AHCYL2: variants seen among roughly 807,000 people sequenced by gnomAD.
The protein encoded by AHCYL2 is S-adenosylhomocysteine hydrolase-like protein 2.
A neutral mutation model predicts 81.4 loss-of-function variants in AHCYL2; 28 were observed. The observed-to-expected ratio is 0.34, with a 90% CI of 0.25 to 0.47. AHCYL2 has a LOEUF of 0.47. Ranked by LOEUF, AHCYL2 falls within the 20% of genes least tolerant of loss-of-function variation. AHCYL2 has a pLI of 1.00. For missense variants in AHCYL2, 551 were observed against 785.1 expected (o/e 0.70, Z 3.56); for synonymous variants, 272 against 290.2 (o/e 0.94, Z 0.64).
intron 1 of AHCYL2, among the ~76,000 whole-genome samples, chr7:129,250,511 A>C (rs912405872): frequency 6.6e-6 from 1 of 152,184 alleles, no homozygotes; most frequent in Non-Finnish European, 1.5e-5. Context: ...TGTCCAATGT[A>C]TGTGCCTTTA....
In AHCYL2 at chr7:129,397,265, G is replaced by GGGCT; in HGVS notation, c.766_769dup (p.Ala257GlyfsTer11). The GGGCT allele has an allele frequency of 6.2e-7, 1 of 1,614,170 alleles. No homozygotes were observed. ...GGTGCTCTGGGGGCCCAGTGCCGATGGGCTGCCTGCAACATCTATTCCACT... is the reference window on the plus strand; with the variant it reads ...GGTGCTCTGGGGGCCCAGTGCCGATGGGCTGGCTGCCTGCAACATCTATTCCACT... On this transcript the variant is annotated frameshift_variant, in exon 5 of 17. Transcript: ENST00000325006. LOFTEE classifies it high-confidence loss of function.
chr7:129,253,418 TAGTTTACTAATGGCAAGACCAAATA>T (rs1290574907), intron 1 of AHCYL2, among the ~76,000 whole-genome samples: 1 of 152,198 alleles, frequency 6.6e-6, no homozygotes, highest in Non-Finnish European at 1.5e-5. Flanking sequence ...TAAGCAATTG[TAGTTTACTAATGGCAAGACCAAATA>T]AAGTGAAATT....
At chr7:129,371,785 A>G (rs146963292) in intron 1 of AHCYL2, among the ~76,000 whole-genome samples, 3 of 152,276 alleles carry the variant, frequency 2.0e-5, no homozygotes, top group African/African-American at 7.2e-5. Context: ...TGGTTGATTG[A>G]CTTTCATGAG....
chr7:129,356,329 C>G (rs1793734586), intron 1 of AHCYL2, among the ~76,000 whole-genome samples: 1 of 152,182 alleles, frequency 6.6e-6, no homozygotes, highest in Admixed American at 6.5e-5. Context: ...TACTGCCCTA[C>G]TTAGAAACTT....
intron 1 of AHCYL2, among the ~76,000 whole-genome samples, chr7:129,272,297 A>G (rs1379164428): frequency 1.3e-5 from 2 of 152,182 alleles, no homozygotes; most frequent in African/African-American, 2.4e-5. Context: ...TCCTCAATCA[A>G]TGGAGCCACC....
chr7:129,270,981 C>A (rs576015358), intron 1 of AHCYL2, among the ~76,000 whole-genome samples: 41 of 152,226 alleles, frequency 2.7e-4, no homozygotes, highest in African/African-American at 8.9e-4. Context: ...AGTCCTACGG[C>A]ATCAGGCTGA....
chr7:129,382,497 G>A (rs1450403005), intron 2 of AHCYL2, among the ~76,000 whole-genome samples: 1 of 152,190 alleles, frequency 6.6e-6, no homozygotes, highest in Non-Finnish European at 1.5e-5. Flanking sequence ...CTACTCCGGA[G>A]TCTGAGGCAT....
chr7:129,404,623 T>C (rs911024645), intron 7 of AHCYL2, among the ~76,000 whole-genome samples: 1 of 152,206 alleles, frequency 6.6e-6, no homozygotes, highest in Non-Finnish European at 1.5e-5. Flanking sequence ...TGCAGTAAGC[T>C]GAGATCACAC....
chr7:129,376,431 GC>G lies in AHCYL2; in HGVS notation c.364-3206del, dbSNP rs974564147. On this transcript the variant is annotated intron_variant, in intron 1 of 16. Coordinates refer to ENST00000325006, the MANE Select transcript of AHCYL2 (RefSeq NM_015328.4). ...CTTGAATTCGGTGTCTAACCAGTAAGCAAGGTTTTAGAACCCTATGTTCTAA... is the reference window on the plus strand; with the variant it reads ...CTTGAATTCGGTGTCTAACCAGTAAGAAGGTTTTAGAACCCTATGTTCTAA... Among the ~76,000 whole-genome samples, 13 of 152,306 alleles carry G rather than the reference GC, an allele frequency of 8.5e-5. No individual in the cohort carries two copies. The South Asian group carries it at 1.5e-3, about 17-fold the overall frequency.
chr7:129,353,956 TTAA>T (rs1793653649), intron 1 of AHCYL2, among the ~76,000 whole-genome samples: 2 of 151,926 alleles, frequency 1.3e-5, no homozygotes, highest in Admixed American at 1.3e-4. Flanking sequence ...GGAAGAAATA[TTAA>T]TAACTGTGTC....
chr7:129,235,423 C>T (rs1794609054), intron 1 of AHCYL2, among the ~76,000 whole-genome samples: 1 of 151,442 alleles, frequency 6.6e-6, no homozygotes, highest in South Asian at 2.1e-4. Context: ...TCTCATTCTT[C>T]TTCTTCTTCT....
intron 1 of AHCYL2, among the ~76,000 whole-genome samples, chr7:129,299,117 C>T (rs948952550): frequency 6.6e-6 from 1 of 151,534 alleles, no homozygotes; most frequent in South Asian, 2.1e-4. Context: ...AATTTTTTGA[C>T]ATTTTTGGGG....
Position 129,283,986 on chromosome 7 carries a change from A to G in AHCYL2, c.363+58547A>G, listed in dbSNP as rs184532365. On this transcript the variant is annotated intron_variant, in intron 1 of 16. Transcript: ENST00000325006. Reference sequence around the variant, plus strand: ...TTTAATATCTTTAAACCTTTCTACAATGGAGTCATTTTTTTAAAAGAAAGC... The same window carrying G: ...TTTAATATCTTTAAACCTTTCTACAGTGGAGTCATTTTTTTAAAAGAAAGC... 1.6e-4 allele frequency among the ~76,000 whole-genome samples: 24 copies of G among 152,290 alleles called. No homozygotes were observed. The East Asian group carries it at 4.2e-3, about 27-fold the overall frequency.
At position 129,247,907 on chromosome 7, in the gene AHCYL2, T is replaced by C. The variant is rs543231581; in HGVS notation, c.363+22468T>C. Reference sequence around the variant, plus strand: ...ATGAGCCACTGCACTTAGCCTTAGATTCTACTTTTGGTGGTATAACAAAGA... The same window carrying C: ...ATGAGCCACTGCACTTAGCCTTAGACTCTACTTTTGGTGGTATAACAAAGA... On this transcript the variant is annotated intron_variant, in intron 1 of 16. Transcript: ENST00000325006. 4.6e-5 allele frequency among the ~76,000 whole-genome samples: 7 copies of C among 152,318 alleles called. No individual in the cohort carries two copies. The South Asian group carries it at 1.2e-3, about 27-fold the overall frequency.
rs369856790 is a variant in AHCYL2, at chr7:129,228,894, C to T, written c.363+3455C>T. On this transcript the variant is annotated intron_variant, in intron 1 of 16. Transcript: ENST00000325006. ...CACTTCTTGTCCTGAATTGTTTAAG[C>T]TCTTGATTTGGTTAATTATAGAGTA... Among the ~76,000 whole-genome samples, 11 of 152,232 alleles carry T rather than the reference C, an allele frequency of 7.2e-5. No individual in the cohort carries two copies. In the South Asian group the frequency reaches 1.2e-3, roughly 17 times the overall value.
intron 1 of AHCYL2, among the ~76,000 whole-genome samples, chr7:129,361,763 C>G (rs1445108504): frequency 1.3e-5 from 2 of 151,318 alleles, no homozygotes; most frequent in African/African-American, 4.9e-5. Flanking sequence ...GTAGCCAGGA[C>G]TGTAGGCGCA....
At chr7:129,373,426 A>T (rs572184256) in intron 1 of AHCYL2, among the ~76,000 whole-genome samples, 2 of 151,660 alleles carry the variant, frequency 1.3e-5, no homozygotes, top group Non-Finnish European at 2.9e-5. Flanking sequence ...TAAAAAAAAC[A>T]AAACAAAACA....
intron 1 of AHCYL2, among the ~76,000 whole-genome samples, chr7:129,303,556 C>G (rs1797323821): frequency 6.6e-6 from 1 of 152,072 alleles, no homozygotes; most frequent in African/African-American, 2.4e-5. Flanking sequence ...TTTTCTTAGT[C>G]TGGCTAAAGG....
intron 1 of AHCYL2, among the ~76,000 whole-genome samples, chr7:129,293,950 G>T (rs771568742): frequency 2.0e-5 from 3 of 152,170 alleles, no homozygotes; most frequent in Non-Finnish European, 2.9e-5. Context: ...CAGTCAACGT[G>T]ATTTTTTACT....
Sources: allele counts gnomAD v4.1 joint callset (sites outside exome capture counted in the v4.1 genomes callset), GRCh38; gene constraint gnomAD v4.1.1; transcripts MANE v1.5; gene names NCBI Gene and HGNC (gene_info 2026-07-23, HGNC 2026-07-21).